The following DPPA4 variants were observed in gnomAD, a reference collection of about 807,000 sequenced individuals.
DPPA4 encodes the protein developmental pluripotency associated 4, also known as developmental pluripotency-associated protein 4.
Under a neutral mutation model 33.7 loss-of-function variants are expected in DPPA4, and 22 were observed. The observed-to-expected ratio is 0.65, with a 90% CI of 0.47 to 0.93. The LOEUF (loss-of-function observed/expected upper bound fraction) is 0.93. Ranked by LOEUF, DPPA4 falls within the 40% of genes least tolerant of loss-of-function variation. The pLI, the probability that DPPA4 is intolerant of heterozygous loss-of-function variation, is 0.00. For missense variants in DPPA4, 340 were observed against 358.6 expected, an observed-to-expected ratio of 0.95 and a Z score of 0.42; for synonymous variants, 156 against 132.3, an observed-to-expected ratio of 1.18 and a Z score of -1.23.
intron 2 of DPPA4, chr3:109,332,312 A>T (rs1372246995): frequency 4.6e-6 from 1 of 216,840 alleles, no homozygotes; most frequent in Non-Finnish European, 9.4e-6. Context: ...CATGTTGGCC[A>T]AGCTGGTCTC....
intron 3 of DPPA4, 36 bp downstream of exon 3, chr3:109,331,835 C>T (rs779103904): frequency 1.2e-6 from 2 of 1,613,506 alleles, no homozygotes; most frequent in Non-Finnish European, 1.7e-6. Context: ...TCCTACCCTT[C>T]CTCCCAGCAG....
In DPPA4 at chr3:109,332,368, T is replaced by G. The variant is rs572884578; in HGVS notation, c.179-337A>C. Among the ~76,000 whole-genome samples, 23 of 152,236 alleles carry G rather than the reference T, an allele frequency of 1.5e-4. No individual in the cohort carries two copies. In the South Asian group the frequency reaches 4.8e-3, roughly 32 times the overall value. On this transcript the variant is annotated intron_variant, in intron 2 of 6. Transcript: ENST00000335658. ...TGCCCACCTAGGCCTCCCAAAGTTC[T>G]GAGATTACAGGCCTAAGCCACCGCG...
chr3:109,330,300 CAAAAAAAAAAAAAAA>C (rs71129042), intron 5 of DPPA4: 31 of 348,952 alleles, frequency 8.9e-5, no homozygotes, highest in African/African-American at 5.5e-4. Context: ...GAAACTGTCT[CAAAAAAAAAAAAAAA>C]AAAAAAAAAA....
chr3:109,331,344 CCAGG>C (rs1238381833), intron 4 of DPPA4, among the ~76,000 whole-genome samples: 2 of 143,040 alleles, frequency 1.4e-5, no homozygotes, highest in Admixed American at 1.4e-4. Flanking sequence ...AAATTGCTGG[CCAGG>C]CACAGTGGTT....
At chr3:109,333,683 GA>G in intron 2 of DPPA4, 186 bp downstream of exon 2, 1 of 529,790 alleles carries the variant, frequency 1.9e-6, no homozygotes, top group South Asian at 2.7e-5. Flanking sequence ...GATAGGAAGG[GA>G]TCAGTTAGAG....
At chr3:109,337,742 T>C (rs1260695155), upstream of DPPA4, among the ~76,000 whole-genome samples, 1 of 152,214 alleles carries the variant, frequency 6.6e-6, no homozygotes, top group Non-Finnish European at 1.5e-5. Context: ...TTCTGTTCAC[T>C]TTAAATGTAA....
chr3:109,334,112 G>C, intron 1 of DPPA4, 119 bp from the exon 2 acceptor site: 7 of 1,070,402 alleles, frequency 6.5e-6, no homozygotes, highest in African/African-American at 1.6e-5. Context: ...CACTGGCAGT[G>C]TGGATTCTCC....
At position 109,330,541 on chromosome 3, in the gene DPPA4, G is replaced by A; in HGVS notation, c.662C>T (p.Ser221Phe). The change falls in exon 5 of 7, where the codon TCT becomes TTT. Residue 221 changes from serine (S) to phenylalanine (F), a missense_variant. By Grantham distance (155) the Ser-to-Phe change is radical. Around this residue, in one of 3 missense-constraint regions of DPPA4, gnomAD observed 212 missense variants for 206.5 expected, o/e 1.03. Transcript: ENST00000335658. Reference protein sequence around the residue: ...ARARTPEAVESPQEASGVRWC... With the variant: ...ARARTPEAVEFPQEASGVRWC... Reference sequence around the variant, plus strand: ...GCGCTTACCAGAGGCCTCTTGTGGAGATTCCACTGCCTCTGGTGTCCTCGC... The same window carrying A: ...GCGCTTACCAGAGGCCTCTTGTGGAAATTCCACTGCCTCTGGTGTCCTCGC... The A allele has an allele frequency of 5.6e-6, 9 of 1,613,988 alleles. No homozygotes were observed. The highest frequency in any genetic ancestry group is 7.6e-6 in the Non-Finnish European group (9 of 1,179,988).
intron 1 of DPPA4, among the ~76,000 whole-genome samples, chr3:109,335,421 C>G (rs1024414585): frequency 6.6e-6 from 1 of 152,148 alleles, no homozygotes; most frequent in East Asian, 1.9e-4. Context: ...CCACTGCGCC[C>G]AAGGGTTCCC....
rs371845918 is a variant in DPPA4, at chr3:109,337,500, A to G, written c.18T>C (p.Ala6=). 1.8e-4 allele frequency: 287 copies of G among 1,614,160 alleles called. No individual in the cohort carries two copies. Among genetic ancestry groups the G allele is most frequent in the Non-Finnish European group, 2.3e-4 (268 of 1,180,026 alleles). ...TTGCCTTCTCCATACTTGTAGAAGA[A>G]GCGGAGCCTCGCAACATGCTTCCAA... MLRGS[A]SSTSMEKAKG... Residue 6 remains alanine (A), a synonymous_variant, in exon 1 of 7, where the codon GCT becomes GCC. Transcript: ENST00000335658.
At chr3:109,333,575 G>A in intron 2 of DPPA4, 1 of 215,714 alleles carries the variant, frequency 4.6e-6, no homozygotes, top group Non-Finnish European at 9.1e-6. Flanking sequence ...ATTTACAGCT[G>A]TCTGTTCCCA....
In DPPA4 at chr3:109,331,850, G is replaced by C. The variant is rs150309278; in HGVS notation, c.339+21C>G. 3.5e-5 allele frequency: 57 copies of C among 1,613,342 alleles called. No individual in the cohort carries two copies. In the East Asian group the frequency reaches 1.2e-3, roughly 34 times the overall value. ...TCCTACCCTTCCTCCCAGCAGCACC[G>C]TCCCCAGCCTGGGACCTCACCTGGC... On this transcript the variant is annotated intron_variant, in intron 3 of 6. Transcript: ENST00000335658.
Position 109,331,746 on chromosome 3 carries a change from G to A in DPPA4, c.378C>T (p.Tyr126=). 3.1e-6 allele frequency: 5 copies of A among 1,613,910 alleles called. No homozygotes were observed. Among genetic ancestry groups the A allele is most frequent in the Non-Finnish European group, 4.2e-6 (5 of 1,179,962 alleles). ...DAYKRLCAFA[Y]PNQKDFPSTA... is the part of the protein sequence containing the mutation. ...TTTAAAAAGTTACCTTTTGATTTGG[G>A]TAGGCAAAGGCACACAGGCGCTTAT... Residue 126 remains tyrosine, a synonymous_variant, in exon 4 of 7, where the codon TAC becomes TAT. Transcript: ENST00000335658.
At position 109,327,451 on chromosome 3, in the gene DPPA4, A is replaced by T. The variant is rs1559705925; in HGVS notation, c.*537T>A. ...TTTTGGGAGGCTGAGGAGGGTGATC[A>T]CTTGAGTCCAGGAGTTTGAGACCAA... On this transcript the variant is annotated 3_prime_UTR_variant, in exon 7 of 7. Coordinates refer to ENST00000335658, the MANE Select transcript of DPPA4 (RefSeq NM_018189.4). The T allele has an allele frequency of 1.3e-5, 2 of 152,460 alleles. No individual in the cohort carries two copies. The allele number at this position is 152,460 out of a possible 1,614,324, so 9.4% of individuals were successfully genotyped here. A position where few individuals can be genotyped will look rare whatever the true frequency, so the allele number is the denominator to read the frequency against.
At chr3:109,334,080 C>T (rs967095812) in intron 1 of DPPA4, 87 bp from the exon 2 acceptor site, 7 of 1,494,070 alleles carry the variant, frequency 4.7e-6, no homozygotes, top group Non-Finnish European at 6.4e-6. Flanking sequence ...ACTTCTAAGG[C>T]ACCAACGCAG....
intron 4 of DPPA4, among the ~76,000 whole-genome samples, 191 bp downstream of exon 4, chr3:109,331,543 C>CAAAAAAAAAAAAAAAAAAAAAAA (rs62827961): frequency 9.8e-5 from 7 of 71,456 alleles, no homozygotes; most frequent in South Asian, 5.2e-4. Context: ...GACTCTGTCT[C>CAAAAAAAAAAAAAAAAAAAAAAA]AAAAAAAAAA....
intron 1 of DPPA4, among the ~76,000 whole-genome samples, chr3:109,335,336 C>T (rs745845058): frequency 5.5e-4 from 84 of 152,170 alleles, no homozygotes; most frequent in Non-Finnish European, 7.9e-4. Flanking sequence ...TGTCTCCCCC[C>T]ACTGATCTCA....
chr3:109,337,641 C>T (rs114847528), upstream of DPPA4: 1,958 of 811,384 alleles, frequency 2.4e-3, 27 homozygotes, highest in African/African-American at 0.027. Context: ...TGTTCCCTCC[C>T]CCACAATTTG....
intron 6 of DPPA4, among the ~76,000 whole-genome samples, chr3:109,328,254 C>G (rs1010956145): frequency 1.3e-5 from 2 of 152,096 alleles, no homozygotes; most frequent in African/African-American, 4.8e-5. Context: ...TGGAGGGGCT[C>G]TTTTCATCAC....
Sources: allele counts gnomAD v4.1 joint callset (sites outside exome capture counted in the v4.1 genomes callset), GRCh38; gene constraint gnomAD v4.1.1; regional missense constraint gnomAD v4.1.1; transcripts MANE v1.5; gene names NCBI Gene and HGNC (gene_info 2026-07-23, HGNC 2026-07-21).